The following STAP1 variants were observed in gnomAD, a reference collection of about 807,000 sequenced individuals.
STAP1 encodes signal-transducing adaptor protein 1.
In STAP1, 30 loss-of-function variants were observed where a neutral mutation model predicts 37.8. That is an observed-to-expected ratio of 0.79 (90% CI 0.59 to 1.08). The LOEUF (loss-of-function observed/expected upper bound fraction) is 1.08. Among genes scored for constraint, STAP1 ranks in the 50% least tolerant of loss-of-function variants. The pLI, the probability that STAP1 is intolerant of heterozygous loss-of-function variation, is 0.00. For missense variants in STAP1, 357 were observed against 349.4 expected (o/e 1.02, Z -0.17); for synonymous variants, 130 against 116.0 (o/e 1.12, Z -0.78).
At chr4:67,562,418 TA>T (rs1727369334) in intron 1 of STAP1, among the ~76,000 whole-genome samples, 1 of 152,114 alleles carries the variant, frequency 6.6e-6, no homozygotes, top group Non-Finnish European at 1.5e-5. Flanking sequence ...CTCCAAATTT[TA>T]AAATAACACA....
At chr4:67,598,956 G>A (rs1346317248) in intron 8 of STAP1, among the ~76,000 whole-genome samples, 26 of 152,108 alleles carry the variant, frequency 1.7e-4, no homozygotes, top group African/African-American at 6.3e-4. Context: ...TGCTTTTTCA[G>A]CATCAATTGA....
chr4:67,571,007 G>C, intron 1 of STAP1, 77 bp from the exon 2 acceptor site: 4 of 1,200,556 alleles, frequency 3.3e-6, no homozygotes, highest in Non-Finnish European at 4.9e-6. Context: ...AATTAAGAAA[G>C]TTACAAAGGA....
At chr4:67,590,851 T>G in intron 6 of STAP1, 33 bp from the exon 7 acceptor site, 1 of 1,524,204 alleles carries the variant, frequency 6.6e-7, no homozygotes, top group Non-Finnish European at 9.0e-7. Flanking sequence ...AATTGTATAA[T>G]AAAATGGAGA....
intron 6 of STAP1, 101 bp from the exon 7 acceptor site, chr4:67,590,783 A>T (rs113664836): frequency 8.5e-6 from 4 of 470,822 alleles, no homozygotes; most frequent in African/African-American, 4.3e-5. Context: ...TATAGTCATG[A>T]CAACATAGGT....
chr4:67,607,337 A>T lies in STAP1; in HGVS notation c.*980A>T, dbSNP rs753322772. The stretch of plus-strand genomic sequence containing the variant: ...TGAGAAAATAAATTTGTGTTCCTTA[A>T]TCCACATGGTCTGTGGTATTTGTAA... On this transcript the variant is annotated 3_prime_UTR_variant, in exon 9 of 9. Coordinates refer to ENST00000265404, the MANE Select transcript of STAP1 (RefSeq NM_012108.4). 1.3e-5 allele frequency: 2 copies of T among 152,072 alleles called. No homozygotes were observed. The highest frequency in any genetic ancestry group is 6.6e-5 in the Admixed American group (1 of 15,256). The allele number at this position is 152,072 out of a possible 1,614,324, so 9.4% of individuals were successfully genotyped here. A position where few individuals can be genotyped will look rare whatever the true frequency, so the allele number is the denominator to read the frequency against.
intron 1 of STAP1, among the ~76,000 whole-genome samples, chr4:67,564,770 AG>A (rs1303109988): frequency 2.0e-5 from 3 of 152,072 alleles, no homozygotes; most frequent in Non-Finnish European, 4.4e-5. Context: ...AAAATTAGCC[AG>A]GCATGGTGGC....
chr4:67,581,255 T>G (rs1163073962), intron 4 of STAP1, 50 bp from the exon 5 acceptor site: 3 of 1,571,748 alleles, frequency 1.9e-6, no homozygotes, highest in Non-Finnish European at 2.6e-6. Context: ...ACTAAAGTTA[T>G]AAGTTATTAA....
chr4:67,588,743 G>T (rs1728055334), intron 6 of STAP1, among the ~76,000 whole-genome samples: 1 of 152,144 alleles, frequency 6.6e-6, no homozygotes, highest in African/African-American at 2.4e-5. Context: ...AACAATCGTT[G>T]TTCTCCTTAT....
chr4:67,604,944 A>G (rs1728419076), intron 8 of STAP1, among the ~76,000 whole-genome samples: 1 of 152,290 alleles, frequency 6.6e-6, no homozygotes, highest in African/African-American at 2.4e-5. Flanking sequence ...TTAGCTGTCA[A>G]CGCCTTTGCC....
intron 8 of STAP1, among the ~76,000 whole-genome samples, chr4:67,597,751 G>A (rs998209320): frequency 4.6e-5 from 7 of 152,164 alleles, no homozygotes; most frequent in Non-Finnish European, 7.4e-5. Context: ...CATGGATCCC[G>A]TAGCCCCTTT....
At chr4:67,566,011 C>T (rs1159536351) in intron 1 of STAP1, among the ~76,000 whole-genome samples, 10 of 133,848 alleles carry the variant, frequency 7.5e-5, no homozygotes, top group African/African-American at 1.7e-4. Context: ...TGCAGTGGCG[C>T]GATCTCTGCT....
intron 1 of STAP1, among the ~76,000 whole-genome samples, chr4:67,561,740 A>G (rs570489542): frequency 3.9e-5 from 6 of 152,304 alleles, no homozygotes; most frequent in Non-Finnish European, 2.9e-5. Context: ...TACAAATGGG[A>G]AAATTTCTCA....
At chr4:67,594,187 T>C (rs1457931436) in intron 8 of STAP1, among the ~76,000 whole-genome samples, 1 of 152,200 alleles carries the variant, frequency 6.6e-6, no homozygotes, top group East Asian at 1.9e-4. Flanking sequence ...AAAACAAGTC[T>C]CTTTTTCTAC....
At chr4:67,563,879 A>T (rs1359662054) in intron 1 of STAP1, among the ~76,000 whole-genome samples, 1 of 152,090 alleles carries the variant, frequency 6.6e-6, no homozygotes, top group Non-Finnish European at 1.5e-5. Flanking sequence ...GCTAGTGATA[A>T]ATTCAGAAGT....
At chr4:67,588,039 T>TAAAAA (rs3032636) in intron 6 of STAP1, among the ~76,000 whole-genome samples, 9,834 of 85,408 alleles carry the variant, frequency 0.12, 1,057 homozygotes, top group Non-Finnish European at 0.15. Context: ...CACATTTTCT[T>TAAAAA]AAAAAAAAAA....
intron 8 of STAP1, among the ~76,000 whole-genome samples, chr4:67,606,010 T>C (rs1428360731): frequency 6.6e-6 from 1 of 152,198 alleles, no homozygotes; most frequent in Admixed American, 6.5e-5. Flanking sequence ...GTCAAAGATA[T>C]TTCCCAACTC....
intron 8 of STAP1, among the ~76,000 whole-genome samples, chr4:67,595,372 CAAAAAAAAA>C (rs34185676): frequency 1.2e-3 from 108 of 87,788 alleles, no homozygotes; most frequent in African/African-American, 4.5e-3. Context: ...TTCGTTTCTA[CAAAAAAAAA>C]AAAAAAAAAA....
intron 8 of STAP1, among the ~76,000 whole-genome samples, chr4:67,598,612 T>A (rs1728274065): frequency 6.6e-6 from 1 of 152,190 alleles, no homozygotes; most frequent in African/African-American, 2.4e-5. Context: ...ATTTTGCCCA[T>A]TTTTAGTTGT....
chr4:67,604,657 C>G (rs1728412754), intron 8 of STAP1, among the ~76,000 whole-genome samples: 2 of 152,146 alleles, frequency 1.3e-5, no homozygotes, highest in Non-Finnish European at 2.9e-5. Flanking sequence ...GGTCAAATTC[C>G]TTCTTTTGTA....
Sources: allele counts gnomAD v4.1 joint callset (sites outside exome capture counted in the v4.1 genomes callset), GRCh38; gene constraint gnomAD v4.1.1; transcripts MANE v1.5; gene names NCBI Gene and HGNC (gene_info 2026-07-23, HGNC 2026-07-21).